Variants in PTCHD4 observed in about 807,000 individuals in gnomAD.
PTCHD4 encodes the protein patched domain containing 4.
Under a neutral mutation model 58.1 loss-of-function variants are expected in PTCHD4, and 33 were observed. That is an observed-to-expected ratio of 0.57 (90% CI 0.43 to 0.76). PTCHD4 has a LOEUF of 0.76. Among genes scored for constraint, PTCHD4 ranks in the 30% least tolerant of loss-of-function variants. The pLI is 0.00. For synonymous variants in PTCHD4, 478 were observed against 409.6 expected (o/e 1.17, Z -2.02); for missense variants, 1,058 against 1,027.1 (o/e 1.03, Z -0.41).
chr6:47,891,066 C>CA lies in PTCHD4; in HGVS notation c.899-11131dup, dbSNP rs1764364656. Among the ~76,000 whole-genome samples the CA allele has an allele frequency of 3.1e-5, 4 of 129,526 alleles. No homozygotes were observed. In the Admixed American group the frequency reaches 3.1e-4, roughly 10 times the overall value. The allele number at this position is 129,526 out of a possible 152,430, so 85.0% of individuals were successfully genotyped here. On this transcript the variant is annotated intron_variant, in intron 4 of 4. Coordinates refer to ENST00000339488, the MANE Select transcript of PTCHD4 (RefSeq NM_001384253.1). ...CAACTAAAAAAAAAAAAAAAAAGTA[C>CA]AAAAAATTAACTGAGTGTGGTGGCG...
chr6:48,058,240 G>A (rs961257194), intron 3 of PTCHD4, among the ~76,000 whole-genome samples: 2 of 152,226 alleles, frequency 1.3e-5, no homozygotes, highest in Admixed American at 6.5e-5. Context: ...CTTGTTGGGC[G>A]CTAGCCCCAG....
chr6:48,081,261 G>A (rs1379484135), intron 1 of PTCHD4, among the ~76,000 whole-genome samples: 1 of 152,106 alleles, frequency 6.6e-6, no homozygotes, highest in African/African-American at 2.4e-5. Flanking sequence ...ATTAAAAGCG[G>A]GCAGCATACC....
intron 3 of PTCHD4, among the ~76,000 whole-genome samples, chr6:48,029,238 T>C (rs1763354183): frequency 6.6e-6 from 1 of 152,084 alleles, no homozygotes. Context: ...TTTACTTTGA[T>C]TTTTCTCTGA....
chr6:48,000,145 T>C lies in PTCHD4; in HGVS notation c.898+8489A>G, dbSNP rs926718398. On this transcript the variant is annotated intron_variant, in intron 4 of 4. Coordinates refer to ENST00000339488, the MANE Select transcript of PTCHD4 (RefSeq NM_001384253.1). ...ACAAGATGGAGGCATCCTGGATCCCTGAGTCTCTGTTGGAACAGAGGTGGC... is the reference window on the plus strand; with the variant it reads ...ACAAGATGGAGGCATCCTGGATCCCCGAGTCTCTGTTGGAACAGAGGTGGC... 1.6e-4 allele frequency among the ~76,000 whole-genome samples: 24 copies of C among 152,184 alleles called. 1 individual carries two copies. The highest frequency in any genetic ancestry group is 5.9e-5 in the Non-Finnish European group (4 of 68,020).
At chr6:47,913,791 G>C (rs563115447) in intron 4 of PTCHD4, among the ~76,000 whole-genome samples, 1 of 152,236 alleles carries the variant, frequency 6.6e-6, no homozygotes, top group South Asian at 2.1e-4. Flanking sequence ...GGAGGAGGCT[G>C]ATTCTGCAGA....
intron 4 of PTCHD4, among the ~76,000 whole-genome samples, chr6:47,913,802 G>A (rs1197193836): frequency 6.6e-6 from 1 of 152,086 alleles, no homozygotes; most frequent in Admixed American, 6.6e-5. Context: ...ATTCTGCAGA[G>A]GTTGTTAAAA....
rs963088278 is a variant in PTCHD4, at chr6:47,871,258, C to T, written c.*7045G>A. Among the ~76,000 whole-genome samples the T allele has an allele frequency of 2.8e-4, 43 of 151,520 alleles. No individual in the cohort carries two copies. Among genetic ancestry groups the T allele is most frequent in the African/African-American group, 1.0e-3 (42 of 41,328 alleles). The stretch of plus-strand genomic sequence containing the variant: ...GATTTAGCAGAAAATAATAGCAATG[C>T]CTTCCAGAGGAAAAGAAAACTTAAG... On this transcript the variant is annotated 3_prime_UTR_variant, in exon 5 of 5. Transcript: ENST00000339488.
In PTCHD4 at chr6:47,921,542, T is replaced by C. The variant is rs1203763893; in HGVS notation, c.899-41606A>G. Among the ~76,000 whole-genome samples the C allele has an allele frequency of 2.6e-5, 4 of 152,214 alleles. No homozygotes were observed. In the East Asian group the frequency reaches 7.7e-4, roughly 29 times the overall value. ...TACGTGTGGCCATGTGACTAAGCCC[T>C]AGACAATGCCGTATTAGTTGAAACA... On this transcript the variant is annotated intron_variant, in intron 4 of 4. Transcript: ENST00000339488.
At chr6:48,035,902 T>C (rs1763615441) in intron 3 of PTCHD4, among the ~76,000 whole-genome samples, 1 of 152,152 alleles carries the variant, frequency 6.6e-6, no homozygotes, top group Non-Finnish European at 1.5e-5. Flanking sequence ...GTTGGTTGTA[T>C]TCAGAGTTGA....
At chr6:48,060,988 G>T (rs149314075) in intron 3 of PTCHD4, among the ~76,000 whole-genome samples, 1 of 152,176 alleles carries the variant, frequency 6.6e-6, no homozygotes, top group African/African-American at 2.4e-5. Flanking sequence ...TCAGTGAGAG[G>T]CTCTTCCATA....
intron 4 of PTCHD4, among the ~76,000 whole-genome samples, chr6:48,006,030 C>G (rs919487142): frequency 6.6e-5 from 10 of 152,124 alleles, no homozygotes; most frequent in Non-Finnish European, 1.5e-4. Context: ...ACAAATGCCC[C>G]CTTTATGGAG....
chr6:48,025,956 C>T (rs1329510357), intron 3 of PTCHD4, among the ~76,000 whole-genome samples: 1 of 152,006 alleles, frequency 6.6e-6, no homozygotes, highest in Admixed American at 6.6e-5. Flanking sequence ...ATGACTCCTA[C>T]CACTCTCTCC....
At chr6:47,979,395 T>C (rs1767801561) in intron 4 of PTCHD4, among the ~76,000 whole-genome samples, 1 of 151,880 alleles carries the variant, frequency 6.6e-6, no homozygotes, top group African/African-American at 2.4e-5. Flanking sequence ...CACACGGATG[T>C]GTATGGGGTG....
At chr6:47,906,206 G>T (rs1215823495) in intron 4 of PTCHD4, among the ~76,000 whole-genome samples, 1 of 152,196 alleles carries the variant, frequency 6.6e-6, no homozygotes, top group African/African-American at 2.4e-5. Context: ...CTACACACAC[G>T]AAGAGTTTAA....
At position 47,877,425 on chromosome 6, in the gene PTCHD4, T is replaced by C. The variant is rs1763875377; in HGVS notation, c.*878A>G. On this transcript the variant is annotated 3_prime_UTR_variant, in exon 5 of 5. Transcript: ENST00000339488. The stretch of plus-strand genomic sequence containing the variant: ...TACAGTAAAAGCCAACGAAAATCCA[T>C]ATCAACTGTTTATTTCTAATATGAA... Among the ~76,000 whole-genome samples the C allele has an allele frequency of 6.6e-6, 1 of 152,062 alleles. No individual in the cohort carries two copies. Among genetic ancestry groups the C allele is most frequent in the Non-Finnish European group, 1.5e-5 (1 of 67,982 alleles).
chr6:48,036,978 C>T (rs1034008292), intron 3 of PTCHD4, among the ~76,000 whole-genome samples: 1 of 152,072 alleles, frequency 6.6e-6, no homozygotes, highest in African/African-American at 2.4e-5. Flanking sequence ...TGTTGTTCTT[C>T]AGCAAGGGAT....
At chr6:47,996,822 A>T (rs780461599) in intron 4 of PTCHD4, among the ~76,000 whole-genome samples, 17 of 152,186 alleles carry the variant, frequency 1.1e-4, no homozygotes, top group African/African-American at 1.7e-4. Context: ...ATCACTTTCA[A>T]TGGCTTTGTT....
intron 4 of PTCHD4, among the ~76,000 whole-genome samples, chr6:47,935,605 C>T (rs1341491346): frequency 1.3e-5 from 2 of 152,040 alleles, no homozygotes; most frequent in African/African-American, 2.4e-5. Context: ...TACTCATTTT[C>T]TTGTTATTGC....
intron 4 of PTCHD4, among the ~76,000 whole-genome samples, chr6:47,929,612 T>C (rs113480444): frequency 0.025 from 3,773 of 152,318 alleles, 116 homozygotes; most frequent in African/African-American, 0.07. Context: ...CATATATGTC[T>C]ATAGATGTGA....
Sources: allele counts gnomAD v4.1 joint callset (sites outside exome capture counted in the v4.1 genomes callset), GRCh38; gene constraint gnomAD v4.1.1; transcripts MANE v1.5; gene names NCBI Gene and HGNC (gene_info 2026-07-23, HGNC 2026-07-21).